IL1RAPL2: variants seen among roughly 807,000 people sequenced by gnomAD.
The protein encoded by IL1RAPL2 is interleukin 1 receptor accessory protein like 2.
In IL1RAPL2, 3 loss-of-function variants were observed where a neutral mutation model predicts 44.1. That is an observed-to-expected ratio of 0.07 (90% CI 0.03 to 0.18). The LOEUF (loss-of-function observed/expected upper bound fraction) is 0.18. Ranked by LOEUF, IL1RAPL2 falls within the 10% of genes least tolerant of loss-of-function variation. The pLI is 1.00. For synonymous variants in IL1RAPL2, 181 were observed against 178.8 expected (o/e 1.01, Z -0.10); for missense variants, 391 against 496.4 (o/e 0.79, Z 2.02).
At chrX:104,877,640 C>T (rs548003785) in intron 2 of IL1RAPL2, among the ~76,000 whole-genome samples, 2 of 112,114 alleles carry the variant, frequency 1.8e-5, no homozygotes, top group Non-Finnish European at 3.8e-5. Flanking sequence ...CAAGAGAATG[C>T]AAGATGAATT....
chrX:104,884,128 A>G, intron 2 of IL1RAPL2, among the ~76,000 whole-genome samples: 1 of 110,033 alleles, frequency 9.1e-6, no homozygotes, highest in South Asian at 3.9e-4. Flanking sequence ...CAGGTTTTTG[A>G]GAATGCATTG....
chrX:105,502,918 AATACCTGATTTAAAGGCTTTT>A (rs1410661842), intron 6 of IL1RAPL2, among the ~76,000 whole-genome samples: 1 of 110,419 alleles, frequency 9.1e-6, no homozygotes, highest in African/African-American at 3.3e-5. Flanking sequence ...CATGACAACA[AATACCTGATTTAAAGGCTTTT>A]AAATCAGTTT....
intron 2 of IL1RAPL2, among the ~76,000 whole-genome samples, chrX:105,078,472 C>T (rs1315060568): frequency 8.9e-6 from 1 of 112,173 alleles, no homozygotes; most frequent in African/African-American, 3.2e-5. Flanking sequence ...TTAGGCTACT[C>T]GGGGGTCAGG....
At chrX:105,236,432 G>C (rs2034120574) in intron 4 of IL1RAPL2, among the ~76,000 whole-genome samples, 1 of 112,292 alleles carries the variant, frequency 8.9e-6, no homozygotes, top group Non-Finnish European at 1.9e-5. Context: ...AGTACTTACT[G>C]TATGGCAAGC....
intron 5 of IL1RAPL2, among the ~76,000 whole-genome samples, chrX:105,292,790 T>C (rs2034623554): frequency 9.0e-6 from 1 of 111,118 alleles, no homozygotes; most frequent in African/African-American, 3.3e-5. Flanking sequence ...AAACAAAAGC[T>C]TCTTAGTATT....
rs770918166 is a variant in IL1RAPL2, at chrX:104,970,873, A to ATCT, written c.83-224600_83-224598dup. Among the ~76,000 whole-genome samples the ATCT allele has an allele frequency of 8.9e-5, 10 of 111,862 alleles. No individual in the cohort carries two copies. The East Asian group carries it at 2.8e-3, about 32-fold the overall frequency. On this transcript the variant is annotated intron_variant, in intron 2 of 10. Coordinates refer to ENST00000372582, the MANE Select transcript of IL1RAPL2 (RefSeq NM_017416.2). ...CCACCAGAGGAATAAAAATCTCTGG[A>ATCT]TCTTATCTAAGGGGCCCACAGGCAA...
At chrX:104,660,228 G>A (rs765909562) in intron 2 of IL1RAPL2, among the ~76,000 whole-genome samples, 1 of 110,428 alleles carries the variant, frequency 9.1e-6, no homozygotes, top group Non-Finnish European at 1.9e-5. Flanking sequence ...GCCTTTCCTT[G>A]CTTTACCTTT....
rs1376660049 is a variant in IL1RAPL2 at position 104,908,131 on chromosome X, C to A, written c.82+249136C>A. 2.7e-5 allele frequency among the ~76,000 whole-genome samples: 3 copies of A among 110,684 alleles called. No homozygotes were observed. In the Admixed American group the frequency reaches 2.9e-4, roughly 11 times the overall value. ...TCAGAGACTAGGATTGCAACCCCTG[C>A]CTTTTTATGTTTTCCATTTGCTTGG... On this transcript the variant is annotated intron_variant, in intron 2 of 10. Transcript: ENST00000372582.
intron 8 of IL1RAPL2, among the ~76,000 whole-genome samples, chrX:105,741,496 A>G (rs2038500167): frequency 8.9e-6 from 1 of 111,759 alleles, no homozygotes; most frequent in Non-Finnish European, 1.9e-5. Context: ...CCCACGTTTT[A>G]GAGCAATAAT....
rs563593368 is a variant in IL1RAPL2 at position 105,315,334 on chromosome X, C to T, written c.697+47793C>T. Among the ~76,000 whole-genome samples the T allele has an allele frequency of 4.4e-3, 474 of 107,319 alleles. 1 individual carries two copies. Among genetic ancestry groups the T allele is most frequent in the South Asian group, 0.03 (69 of 2,317 alleles). The allele number at this position is 107,319 out of a possible 115,157, so 93.2% of individuals were successfully genotyped here. ...TCAGGCAAAGGCAACTTTGAAGAGA[C>T]AGTCCTTCAAATAATACTATTGGCA... On this transcript the variant is annotated intron_variant, in intron 5 of 10. Coordinates refer to ENST00000372582, the MANE Select transcript of IL1RAPL2 (RefSeq NM_017416.2).
At chrX:105,023,190 T>C (rs1273050853) in intron 2 of IL1RAPL2, among the ~76,000 whole-genome samples, 2 of 110,772 alleles carry the variant, frequency 1.8e-5, no homozygotes, top group Non-Finnish European at 3.8e-5. Context: ...TTTAGTTGCT[T>C]TGTATCACTT....
intron 2 of IL1RAPL2, among the ~76,000 whole-genome samples, chrX:105,109,942 C>A (rs2032785006): frequency 8.9e-6 from 1 of 111,756 alleles, no homozygotes; most frequent in Admixed American, 9.5e-5. Flanking sequence ...TCCTTAGGAA[C>A]CGGCAACTGA....
intron 5 of IL1RAPL2, among the ~76,000 whole-genome samples, chrX:105,273,570 G>A (rs1569416567): frequency 3.6e-5 from 4 of 112,082 alleles, no homozygotes; most frequent in Admixed American, 9.5e-5. Flanking sequence ...TGTGTGCTCA[G>A]AGAAGCCCAG....
intron 2 of IL1RAPL2, among the ~76,000 whole-genome samples, chrX:105,019,025 T>C (rs943862092): frequency 8.9e-6 from 1 of 111,816 alleles, no homozygotes; most frequent in Non-Finnish European, 1.9e-5. Context: ...GTCATCTTTA[T>C]CACAGTTGTT....
intron 5 of IL1RAPL2, among the ~76,000 whole-genome samples, chrX:105,321,676 C>T (rs1489807439): frequency 2.7e-5 from 3 of 112,000 alleles, no homozygotes; most frequent in Non-Finnish European, 5.6e-5. Flanking sequence ...GAATTAACAC[C>T]TCCCATTTGC....
At chrX:104,719,332 A>T (rs182720229) in intron 2 of IL1RAPL2, among the ~76,000 whole-genome samples, 2 of 112,160 alleles carry the variant, frequency 1.8e-5, no homozygotes, top group Admixed American at 9.5e-5. Context: ...ATGTAGTTTC[A>T]TCAGAGCCTC....
intron 6 of IL1RAPL2, among the ~76,000 whole-genome samples, chrX:105,489,730 TTCTC>T (rs747133937): frequency 1.1e-3 from 109 of 100,395 alleles, no homozygotes; most frequent in African/African-American, 2.9e-3. Context: ...CCTTCTTTCT[TTCTC>T]TCTCTCTCTC....
chrX:105,313,870 C>G (rs1285820135), intron 5 of IL1RAPL2, among the ~76,000 whole-genome samples: 1 of 111,065 alleles, frequency 9.0e-6, no homozygotes, highest in Non-Finnish European at 1.9e-5. Context: ...CAGAGCTCAC[C>G]ATACACTCAC....
chrX:104,602,759 G>T (rs1928911481), intron 1 of IL1RAPL2, among the ~76,000 whole-genome samples: 1 of 111,641 alleles, frequency 9.0e-6, no homozygotes, highest in African/African-American at 3.3e-5. Flanking sequence ...CAGCAATGCT[G>T]CTGTGGCCAG....
Sources: gnomAD v4.1 joint callset for allele counts (sites outside exome capture counted in the v4.1 genomes callset) on GRCh38, gnomAD v4.1.1 for gene constraint, MANE v1.5 for transcripts, NCBI Gene and HGNC (gene_info 2026-07-23, HGNC 2026-07-21) for gene names.